Variants in CTNNA3 observed in about 807,000 individuals in gnomAD.
CTNNA3 encodes catenin alpha-3.
CTNNA3 carries 76 observed loss-of-function variants against 95.7 expected under a neutral mutation model. The ratio of observed to expected loss-of-function variants is 0.79; its 90% CI spans 0.66 to 0.96. The LOEUF (loss-of-function observed/expected upper bound fraction) is 0.96. Ranked by LOEUF, CTNNA3 falls within the 40% of genes least tolerant of loss-of-function variation. The pLI is 0.00. For missense variants in CTNNA3, 1,191 were observed against 1,089.8 expected, an observed-to-expected ratio of 1.09 and a Z score of -1.31; for synonymous variants, 431 against 374.4, an observed-to-expected ratio of 1.15 and a Z score of -1.74.
In CTNNA3 at chr10:66,310,421, G is replaced by A. The variant is rs530618879; in HGVS notation, c.1733-29800C>T. ...GTTCAGTACCCCACGATCCATTTCT[G>A]TACCCTAAACTATTTCTATAAATTG... On this transcript the variant is annotated intron_variant, in intron 12 of 17. Coordinates refer to ENST00000433211, the MANE Select transcript of CTNNA3 (RefSeq NM_013266.4). 2.6e-5 allele frequency among the ~76,000 whole-genome samples: 4 copies of A among 152,006 alleles called. No individual in the cohort carries two copies. In the South Asian group the frequency reaches 8.3e-4, roughly 32 times the overall value.
At chr10:66,928,036 G>C (rs747622871) in intron 7 of CTNNA3, 1 of 1,614,082 alleles carries the variant, frequency 6.2e-7, no homozygotes, top group Non-Finnish European at 8.5e-7. Context: ...TCTGGCCAGG[G>C]CTCTCCCAAA....
chr10:66,935,098 A>T (rs1460873885), intron 7 of CTNNA3, among the ~76,000 whole-genome samples: 1 of 152,120 alleles, frequency 6.6e-6, no homozygotes, highest in African/African-American at 2.4e-5. Context: ...TACTTTCTAA[A>T]AGAAAGAATA....
chr10:66,906,410 G>C (rs962956992), intron 7 of CTNNA3, among the ~76,000 whole-genome samples: 1 of 152,126 alleles, frequency 6.6e-6, no homozygotes, highest in Non-Finnish European at 1.5e-5. Flanking sequence ...ACATCCAAAA[G>C]TGGGAAATTC....
intron 2 of CTNNA3, among the ~76,000 whole-genome samples, chr10:67,638,970 C>T (rs1314113639): frequency 6.6e-6 from 1 of 151,978 alleles, no homozygotes; most frequent in East Asian, 1.9e-4. Context: ...AGAGCAAACA[C>T]ATTCAAAAGC....
intron 13 of CTNNA3, among the ~76,000 whole-genome samples, chr10:66,277,750 C>G (rs1189233517): frequency 6.6e-6 from 1 of 152,042 alleles, no homozygotes; most frequent in Non-Finnish European, 1.5e-5. Context: ...GGGTATTCCT[C>G]CCTGGTTTCA....
At chr10:66,291,806 TACACACCAAATTATATGTGTGA>T (rs1384028483) in intron 12 of CTNNA3, among the ~76,000 whole-genome samples, 1 of 151,496 alleles carries the variant, frequency 6.6e-6, no homozygotes, top group Non-Finnish European at 1.5e-5. Context: ...GGCATATATA[TACACACCAAATTATATGTGTGA>T]ACACATAAAT....
At chr10:67,427,696 A>T (rs951781506) in intron 5 of CTNNA3, among the ~76,000 whole-genome samples, 3 of 152,066 alleles carry the variant, frequency 2.0e-5, no homozygotes, top group Non-Finnish European at 4.4e-5. Flanking sequence ...ATAAATCAAT[A>T]AAATGACCAG....
intron 5 of CTNNA3, among the ~76,000 whole-genome samples, chr10:67,442,841 A>T (rs1846576362): frequency 6.6e-6 from 1 of 151,484 alleles, no homozygotes; most frequent in African/African-American, 2.4e-5. Flanking sequence ...CATGTGCACA[A>T]TGTGCAGGTT....
At chr10:66,119,050 C>CT (rs2082458706) in intron 13 of CTNNA3, among the ~76,000 whole-genome samples, 2 of 152,058 alleles carry the variant, frequency 1.3e-5, no homozygotes, top group Non-Finnish European at 2.9e-5. Context: ...CCACACTATT[C>CT]TTTTTAAATT....
At chr10:67,563,282 C>A (rs908995044) in intron 3 of CTNNA3, among the ~76,000 whole-genome samples, 2 of 152,094 alleles carry the variant, frequency 1.3e-5, no homozygotes, top group African/African-American at 4.8e-5. Context: ...GTACTGGTAC[C>A]AAAACAGAGA....
Position 67,600,084 on chromosome 10 carries a change from T to G in CTNNA3, c.292+6773A>C, listed in dbSNP as rs1843038451. Among the ~76,000 whole-genome samples the G allele has an allele frequency of 2.0e-5, 3 of 151,982 alleles. No individual in the cohort carries two copies. In the South Asian group the frequency reaches 6.2e-4, roughly 32 times the overall value. ...CTGGTTTTCAACAAAGGTGAAAGAG[T>G]AATTCAAAAGAAAAAAACAGTTTAT... On this transcript the variant is annotated intron_variant, in intron 3 of 17. Coordinates refer to ENST00000433211, the MANE Select transcript of CTNNA3 (RefSeq NM_013266.4).
intron 7 of CTNNA3, among the ~76,000 whole-genome samples, chr10:67,029,319 T>TTAAGCAAATTTG (rs1385882640): frequency 7.2e-5 from 11 of 152,184 alleles, no homozygotes; most frequent in Non-Finnish European, 1.2e-4. Context: ...TTGGAGGATA[T>TTAAGCAAATTTG]TAAGCAAATT....
intron 9 of CTNNA3, among the ~76,000 whole-genome samples, chr10:66,657,178 C>A (rs1382024558): frequency 6.6e-6 from 1 of 152,024 alleles, no homozygotes; most frequent in Non-Finnish European, 1.5e-5. Context: ...AAGGTTCATG[C>A]CATATTTTAT....
At chr10:67,271,361 G>A (rs1448566101) in intron 5 of CTNNA3, among the ~76,000 whole-genome samples, 2 of 151,954 alleles carry the variant, frequency 1.3e-5, no homozygotes, top group African/African-American at 4.8e-5. Context: ...TTTTATAAGG[G>A]GCTCTTCCCC....
intron 10 of CTNNA3, among the ~76,000 whole-genome samples, chr10:66,540,186 T>C (rs1841801134): frequency 6.6e-6 from 1 of 152,144 alleles, no homozygotes; most frequent in African/African-American, 2.4e-5. Flanking sequence ...GCAGGACATT[T>C]TATAGAAAGT....
intron 17 of CTNNA3, among the ~76,000 whole-genome samples, chr10:65,930,199 T>TAAAAAAA (rs71472402): frequency 1.5e-4 from 9 of 60,740 alleles, no homozygotes; most frequent in Non-Finnish European, 1.9e-4. Context: ...CAGAGCTCAG[T>TAAAAAAA]AAAAAAAAAA....
intron 15 of CTNNA3, among the ~76,000 whole-genome samples, chr10:65,997,829 C>T (rs187711754): frequency 1.3e-5 from 2 of 152,200 alleles, no homozygotes; most frequent in African/African-American, 4.8e-5. Flanking sequence ...CTAGCCTGAG[C>T]AACATGGAGA....
chr10:67,332,622 C>A (rs955396671), intron 5 of CTNNA3, among the ~76,000 whole-genome samples: 1 of 152,020 alleles, frequency 6.6e-6, no homozygotes, highest in Admixed American at 6.6e-5. Flanking sequence ...AGGTAAACTG[C>A]CCTAAGCTTC....
chr10:66,914,061 C>G (rs1176261241), intron 7 of CTNNA3, among the ~76,000 whole-genome samples: 1 of 151,598 alleles, frequency 6.6e-6, no homozygotes, highest in East Asian at 1.9e-4. Flanking sequence ...GTACCTGAAG[C>G]AAGCTCTCTG....
Sources: allele counts gnomAD v4.1 joint callset (sites outside exome capture counted in the v4.1 genomes callset), GRCh38; gene constraint gnomAD v4.1.1; transcripts MANE v1.5; gene names NCBI Gene and HGNC (gene_info 2026-07-23, HGNC 2026-07-21).